Variants in OR5AP2 observed in about 807,000 individuals in gnomAD.
OR5AP2 encodes olfactory receptor family 5 subfamily AP member 2.
For missense variants in OR5AP2, 409 were observed against 378.9 expected (o/e 1.08, Z -0.66); for synonymous variants, 142 against 140.8 (o/e 1.01, Z -0.06).
In OR5AP2 at chr11:56,641,970, G is replaced by T; in HGVS notation, c.470C>A (p.Ala157Glu). The T allele has an allele frequency of 6.2e-7, 1 of 1,614,060 alleles. No individual in the cohort carries two copies. Among genetic ancestry groups the T allele is most frequent in the South Asian group, 1.1e-5 (1 of 91,082 alleles). Residue 157 changes from alanine to glutamate, a missense_variant, in exon 1 of 1, where the codon GCA (alanine) becomes GAA (glutamate). Physicochemically the swap from Ala to Glu is moderately radical, Grantham distance 107. Transcript: ENST00000544374. ...ATGTATGGCTGCATTTCCACAACCT[G>T]CTAAGAAGGAGGTAGCTATTAGCAA... ...CFLLIATSFL[A>E]GCGNAAIHTG... is the part of the protein sequence containing the mutation.
Position 56,641,562 on chromosome 11 carries a change from G to A in OR5AP2, c.878C>T (p.Pro293Leu). The change falls in exon 1 of 1, where the codon CCC becomes CTC. Residue 293 changes from proline (P) to leucine (L), a missense_variant. Physicochemically the swap from Pro to Leu is moderately conservative, Grantham distance 98. Coordinates refer to ENST00000544374, the MANE Select transcript of OR5AP2 (RefSeq NM_001002925.1). ...CTTATTTTTTAAACTATAGATGAGGGGATTTAGCACAGGGATTATTACTGT... is the reference window on the plus strand; with the variant it reads ...CTTATTTTTTAAACTATAGATGAGGAGATTTAGCACAGGGATTATTACTGT... Reference protein sequence around the residue: ...FYTVIIPVLNPLIYSLKNKDV... With the variant: ...FYTVIIPVLNLLIYSLKNKDV... 1 of 1,613,340 alleles carries A rather than the reference G, an allele frequency of 6.2e-7. No homozygotes were observed. The highest frequency in any genetic ancestry group is 8.5e-7 in the Non-Finnish European group (1 of 1,179,460).
In OR5AP2 at chr11:56,641,876, C is replaced by G. The variant is rs145283501; in HGVS notation, c.564G>C (p.Pro188=). Residue 188 remains proline, a synonymous_variant, in exon 1 of 1, where the codon CCG becomes CCC. Coordinates refer to ENST00000544374, the MANE Select transcript of OR5AP2 (RefSeq NM_001002925.1). ...CAGAGCAAGAGAGTTTGAGCAGTGG[C>G]GGGGTGTCACAGTAGAAATGGTTGA... The part of the protein sequence containing the change: ...NRINHFYCDT[P]PLLKLSCSDT... The G allele has an allele frequency of 6.2e-7, 1 of 1,614,150 alleles. No individual in the cohort carries two copies. Among genetic ancestry groups the G allele is most frequent in the South Asian group, 1.1e-5 (1 of 91,068 alleles).
Position 56,641,982 on chromosome 11 carries a change from G to T in OR5AP2, c.458C>A (p.Thr153Asn). The T allele has an allele frequency of 6.2e-7, 1 of 1,614,108 alleles. No homozygotes were observed. Among genetic ancestry groups the T allele is most frequent in the East Asian group, 2.2e-5 (1 of 44,880 alleles). Residue 153 changes from threonine (T) to asparagine (N), a missense_variant, in exon 1 of 1, where the codon ACC (threonine) becomes AAC (asparagine). Physicochemically the swap from Thr to Asn is moderately conservative, Grantham distance 65. Transcript: ENST00000544374. Reference protein sequence around the residue: ...SGRICFLLIATSFLAGCGNAA... With the variant: ...SGRICFLLIANSFLAGCGNAA... ...ATTTCCACAACCTGCTAAGAAGGAGGTAGCTATTAGCAAAAAGCAAATTCT... is the reference window on the plus strand; with the variant it reads ...ATTTCCACAACCTGCTAAGAAGGAGTTAGCTATTAGCAAAAAGCAAATTCT...
rs1441322491 is a variant in OR5AP2, at chr11:56,642,146, A to C, written c.294T>G (p.Ile98Met). Residue 98 changes from isoleucine to methionine, a missense_variant, in exon 1 of 1, where the codon ATT (isoleucine) becomes ATG (methionine). Physicochemically the swap from Ile to Met is conservative, Grantham distance 10. Transcript: ENST00000544374. ...ACTGGGCAGCACATCCATGAAAAGAAATGGCCTTATTCTCAGCCATGAGGT... is the reference window on the plus strand; with the variant it reads ...ACTGGGCAGCACATCCATGAAAAGACATGGCCTTATTCTCAGCCATGAGGT... ...LVNLMAENKA[I>M]SFHGCAAQFY... The C allele has an allele frequency of 1.8e-5, 29 of 1,614,072 alleles. No individual in the cohort carries two copies. The highest frequency in any genetic ancestry group is 2.7e-5 in the African/African-American group (2 of 74,942).
At position 56,642,251 on chromosome 11, in the gene OR5AP2, G is replaced by A. The variant is rs1482434111; in HGVS notation, c.189C>T (p.Thr63=). 1.2e-6 allele frequency: 2 copies of A among 1,614,114 alleles called. No individual in the cohort carries two copies. The highest frequency in any genetic ancestry group is 8.5e-7 in the Non-Finnish European group (1 of 1,180,008). ...GGCTACTGAGAAAGAAATACATGGG[G>A]GTGTGGAGACAGAGATCAATCTTAA... ...VLIKIDLCLH[T]PMYFFLSSLS... is the part of the protein sequence containing the mutation. Residue 63 remains threonine, a synonymous_variant, in exon 1 of 1, where the codon ACC becomes ACT. Coordinates refer to ENST00000544374, the MANE Select transcript of OR5AP2 (RefSeq NM_001002925.1).
In OR5AP2 at chr11:56,642,357, T is replaced by A. The variant is rs775784592; in HGVS notation, c.83A>T (p.Asp28Val). ...CAATGCAAAGAGGACTCCTTGTAGA[T>A]CTGGATTGTCGGAAAGTCCTAAGAG... is the stretch of plus-strand genomic sequence containing the variant. ...FLLLGLSDNPDLQGVLFALFL... is the reference protein window; with the variant it reads ...FLLLGLSDNPVLQGVLFALFL... The change falls in exon 1 of 1, where the codon GAT becomes GTT. Residue 28 changes from aspartate to valine, a missense_variant. Coordinates refer to ENST00000544374, the MANE Select transcript of OR5AP2 (RefSeq NM_001002925.1). 1.2e-6 allele frequency: 2 copies of A among 1,611,672 alleles called. No individual in the cohort carries two copies. Among genetic ancestry groups the A allele is most frequent in the South Asian group, 2.2e-5 (2 of 91,084 alleles).
chr11:56,642,298 T>C lies in OR5AP2; in HGVS notation c.142A>G (p.Asn48Asp). The C allele has an allele frequency of 6.2e-7, 1 of 1,614,044 alleles. No homozygotes were observed. The highest frequency in any genetic ancestry group is 8.5e-7 in the Non-Finnish European group (1 of 1,180,028). Residue 48 changes from asparagine to aspartate, a missense_variant, in exon 1 of 1, where the codon AAT (asparagine) becomes GAT (aspartate). Asn to Asp is a conservative substitution (Grantham distance 23). Transcript: ENST00000544374. ...LLIYMANMVG[N>D]LGMIVLIKID... ...TTAATCAATACAATCATCCCCAAAT[T>C]GCCCACCATGTTTGCCATATAGATC...
In OR5AP2 at chr11:56,642,151, C is replaced by T. The variant is rs560189562; in HGVS notation, c.289G>A (p.Ala97Thr). ...GCAGCACATCCATGAAAAGAAATGG[C>T]CTTATTCTCAGCCATGAGGTTCACC... is the stretch of plus-strand genomic sequence containing the variant. ...MLVNLMAENK[A>T]ISFHGCAAQF... Residue 97 changes from alanine (A) to threonine (T), a missense_variant, in exon 1 of 1, where the codon GCC becomes ACC. Transcript: ENST00000544374. 1 of 1,614,092 alleles carries T rather than the reference C, an allele frequency of 6.2e-7. No individual in the cohort carries two copies. Among genetic ancestry groups the T allele is most frequent in the Non-Finnish European group, 8.5e-7 (1 of 1,180,000 alleles).
rs775621533 is a variant in OR5AP2 at position 56,641,776 on chromosome 11, T to C, written c.664A>G (p.Ile222Val). 18 of 1,613,934 alleles carry C rather than the reference T, an allele frequency of 1.1e-5. No homozygotes were observed. The Admixed American group carries it at 1.2e-4, about 10-fold the overall frequency. The change falls in exon 1 of 1, where the codon ATT (isoleucine) becomes GTT (valine). Residue 222 changes from isoleucine to valine, a missense_variant. Transcript: ENST00000544374. Reference protein sequence around the residue: ...IVISCVMIVLISYLCIFIAVL... With the variant: ...IVISCVMIVLVSYLCIFIAVL... ...GCAATGAAGATACACAGGTAGGAAA[T>C]GAGGACAATCATAACACAGCTGATG... is the stretch of plus-strand genomic sequence containing the variant.
Position 56,642,104 on chromosome 11 carries a change from G to A in OR5AP2, c.336C>T (p.Ser112=), listed in dbSNP as rs192631737. The A allele has an allele frequency of 7.4e-6, 12 of 1,614,118 alleles. No homozygotes were observed. The highest frequency in any genetic ancestry group is 1.1e-5 in the South Asian group (1 of 91,086). The stretch of plus-strand genomic sequence containing the variant: ...ACAGGAAGCACTCAGTCCCCAGGAA[G>A]GAGCCAAAGAAGTAGAACTGGGCAG... ...GCAAQFYFFG[S]FLGTECFLLA... The change falls in exon 1 of 1, where the codon TCC becomes TCT. Residue 112 remains serine, a synonymous_variant. Transcript: ENST00000544374.
In OR5AP2 at chr11:56,642,186, G is replaced by C; in HGVS notation, c.254C>G (p.Pro85Arg). Residue 85 changes from proline (P) to arginine (R), a missense_variant, in exon 1 of 1, where the codon CCC becomes CGC. By Grantham distance (103) the Pro-to-Arg change is moderately radical (BLOSUM62 -2). Coordinates refer to ENST00000544374, the MANE Select transcript of OR5AP2 (RefSeq NM_001002925.1). ...AGCCATGAGGTTCACCAGCATCTTG[G>C]GAGTGACGGAAGAAGAGTAAGAGGC... ...VDASYSSSVT[P>R]KMLVNLMAEN... is the part of the protein sequence containing the mutation. 1 of 1,614,140 alleles carries C rather than the reference G, an allele frequency of 6.2e-7. No individual in the cohort carries two copies. Among genetic ancestry groups the C allele is most frequent in the Non-Finnish European group, 8.5e-7 (1 of 1,180,010 alleles).
Position 56,642,285 on chromosome 11 carries a change from A to G in OR5AP2, c.155T>C (p.Ile52Thr). 5 of 1,614,092 alleles carry G rather than the reference A, an allele frequency of 3.1e-6. No individual in the cohort carries two copies. In the South Asian group the frequency reaches 5.5e-5, roughly 18 times the overall value. ...ACAGAGATCAATCTTAATCAATACA[A>G]TCATCCCCAAATTGCCCACCATGTT... is the stretch of plus-strand genomic sequence containing the variant. ...MANMVGNLGM[I>T]VLIKIDLCLH... The change falls in exon 1 of 1, where the codon ATT becomes ACT. Residue 52 changes from isoleucine to threonine, a missense_variant. Physicochemically the swap from Ile to Thr is moderately conservative, Grantham distance 89 (BLOSUM62 -1). Transcript: ENST00000544374.
Position 56,642,197 on chromosome 11 carries a change from A to G in OR5AP2, c.243T>C (p.Ser81=). Reference sequence around the variant, plus strand: ...TCACCAGCATCTTGGGAGTGACGGAAGAAGAGTAAGAGGCATCTACAAAAG... The same window carrying G: ...TCACCAGCATCTTGGGAGTGACGGAGGAAGAGTAAGAGGCATCTACAAAAG... ...SLSFVDASYS[S]SVTPKMLVNL... The change falls in exon 1 of 1, where the codon TCT becomes TCC. Residue 81 remains serine (S), a synonymous_variant. Transcript: ENST00000544374. 1 of 1,614,216 alleles carries G rather than the reference A, an allele frequency of 6.2e-7. No individual in the cohort carries two copies. The highest frequency in any genetic ancestry group is 8.5e-7 in the Non-Finnish European group (1 of 1,180,020).
chr11:56,641,733 G>A lies in OR5AP2; in HGVS notation c.707C>T (p.Ser236Leu), dbSNP rs140197428. 3.4e-3 allele frequency: 5,549 copies of A among 1,614,006 alleles called. 25 individuals are homozygous for A. Among genetic ancestry groups the A allele is most frequent in the Middle Eastern group, 0.011 (65 of 6,062 alleles). ...GAAGGCTTTGTGCCTGCCCTCTAAC[G>A]AAGGCATCTTCAAGACGGCAATGAA... ...CIFIAVLKMP[S>L]LEGRHKAFST... The change falls in exon 1 of 1, where the codon TCG (serine) becomes TTG (leucine). Residue 236 changes from serine to leucine, a missense_variant. Transcript: ENST00000544374.
In OR5AP2 at chr11:56,641,615, C is replaced by T. The variant is rs377215262; in HGVS notation, c.825G>A (p.Glu275=). ...YLRPTSSYSM[E]QDKVVSVFYT... ...AAAAGACAGAGACAACCTTGTCTTG[C>T]TCCATTGAGTAGCTAGATGTAGGGC... The change falls in exon 1 of 1, where the codon GAG becomes GAA. Residue 275 remains glutamate, a synonymous_variant. Transcript: ENST00000544374. 5.8e-5 allele frequency: 93 copies of T among 1,613,326 alleles called. No homozygotes were observed. Among genetic ancestry groups the T allele is most frequent in the Non-Finnish European group, 7.5e-5 (89 of 1,179,496 alleles).
rs765358472 is a variant in OR5AP2 at position 56,641,535 on chromosome 11, TC to T, written c.904del (p.Asp302MetfsTer2). ...GATCTTCTTTAGGGCCTTTTTTACA[TC>T]CTTATTTTTTAAACTATAGATGAGG... ...NPLIYSLKNK[D>X]VKKALKKILW... On this transcript the variant is annotated frameshift_variant, in exon 1 of 1. Coordinates refer to ENST00000544374, the MANE Select transcript of OR5AP2 (RefSeq NM_001002925.1). LOFTEE classifies it high-confidence loss of function. 10 of 1,611,270 alleles carry T rather than the reference TC, an allele frequency of 6.2e-6. No homozygotes were observed. In the East Asian group the frequency reaches 2.2e-4, roughly 36 times the overall value.
chr11:56,641,877 G>C lies in OR5AP2; in HGVS notation c.563C>G (p.Pro188Arg), dbSNP rs148742963. ...AGAGCAAGAGAGTTTGAGCAGTGGC[G>C]GGGTGTCACAGTAGAAATGGTTGAT... ...NRINHFYCDTPPLLKLSCSDT... is the reference protein window; with the variant it reads ...NRINHFYCDTRPLLKLSCSDT... Residue 188 changes from proline (P) to arginine (R), a missense_variant, in exon 1 of 1, where the codon CCG (proline) becomes CGG (arginine). By Grantham distance (103) the Pro-to-Arg change is moderately radical (BLOSUM62 -2). Transcript: ENST00000544374. 6.2e-7 allele frequency: 1 copy of C among 1,614,170 alleles called. No individual in the cohort carries two copies. The highest frequency in any genetic ancestry group is 1.1e-5 in the South Asian group (1 of 91,076).
In OR5AP2 at chr11:56,642,366, T is replaced by A. The variant is rs1857014206; in HGVS notation, c.74A>T (p.Asp25Val). The change falls in exon 1 of 1, where the codon GAC (aspartate) becomes GTC (valine). Residue 25 changes from aspartate (D) to valine (V), a missense_variant. Physicochemically the swap from Asp to Val is radical, Grantham distance 152 (BLOSUM62 -3). Transcript: ENST00000544374. ...GAGGACTCCTTGTAGATCTGGATTG[T>A]CGGAAAGTCCTAAGAGGAGAAATTC... ...VTEFLLLGLS[D>V]NPDLQGVLFA... is the part of the protein sequence containing the mutation. 1 of 1,610,852 alleles carries A rather than the reference T, an allele frequency of 6.2e-7. No individual in the cohort carries two copies. The highest frequency in any genetic ancestry group is 1.3e-5 in the African/African-American group (1 of 74,940).
rs772087504 is a variant in OR5AP2, at chr11:56,641,771, G to A, written c.669C>T (p.Ser223=). 1.2e-6 allele frequency: 2 copies of A among 1,614,152 alleles called. No individual in the cohort carries two copies. The highest frequency in any genetic ancestry group is 1.6e-4 in the Middle Eastern group (1 of 6,062). Residue 223 remains serine, a synonymous_variant, in exon 1 of 1, where the codon TCC becomes TCT. Coordinates refer to ENST00000544374, the MANE Select transcript of OR5AP2 (RefSeq NM_001002925.1). ...VISCVMIVLI[S]YLCIFIAVLK... ...AGACGGCAATGAAGATACACAGGTA[G>A]GAAATGAGGACAATCATAACACAGC...
Sources: allele counts gnomAD v4.1 joint callset, GRCh38; gene constraint gnomAD v4.1.1; transcripts MANE v1.5; gene names NCBI Gene and HGNC (gene_info 2026-07-23, HGNC 2026-07-21).